The following GRAMD1B variants were observed in gnomAD, a reference collection of about 807,000 sequenced individuals.
The protein encoded by GRAMD1B is protein Aster-B.
GRAMD1B carries 37 observed loss-of-function variants against 99.7 expected under a neutral mutation model. The observed-to-expected ratio is 0.37, with a 90% CI of 0.29 to 0.49. The LOEUF (loss-of-function observed/expected upper bound fraction) is 0.49. Among genes scored for constraint, GRAMD1B ranks in the 20% least tolerant of loss-of-function variants. The pLI is 0.98. For missense variants in GRAMD1B, 888 were observed against 1,009.2 expected, an observed-to-expected ratio of 0.88 and a Z score of 1.63; for synonymous variants, 427 against 387.6, an observed-to-expected ratio of 1.10 and a Z score of -1.19.
chr11:123,613,308 A>G (rs1363521447), intron 15 of GRAMD1B, 147 bp from the exon 16 acceptor site: 1 of 629,132 alleles, frequency 1.6e-6, no homozygotes, highest in Non-Finnish European at 2.8e-6. Flanking sequence ...GGGTCCCACA[A>G]GTACCTCCTG....
At chr11:123,574,194 G>GTA (rs1948471620) in intron 2 of GRAMD1B, among the ~76,000 whole-genome samples, 1 of 152,136 alleles carries the variant, frequency 6.6e-6, no homozygotes, top group Non-Finnish European at 1.5e-5. Flanking sequence ...GAAAGAGCAT[G>GTA]TATATTAAGG....
chr11:123,477,501 G>A (rs1475862638), intron 1 of GRAMD1B, among the ~76,000 whole-genome samples: 1 of 151,562 alleles, frequency 6.6e-6, no homozygotes, highest in Non-Finnish European at 1.5e-5. Context: ...TCAGTCATCG[G>A]TGCCAAGGCA....
chr11:123,399,219 A>G (rs1045144671), intron 1 of GRAMD1B, among the ~76,000 whole-genome samples: 1 of 152,214 alleles, frequency 6.6e-6, no homozygotes, highest in African/African-American at 2.4e-5. Flanking sequence ...TTCACTTAAC[A>G]TAATGTCCTG....
chr11:123,374,399 A>G (rs190283454), intron 1 of GRAMD1B, among the ~76,000 whole-genome samples: 7 of 152,238 alleles, frequency 4.6e-5, no homozygotes, highest in Admixed American at 3.3e-4. Flanking sequence ...TTTAACTGCA[A>G]CCACAGTCCA....
chr11:123,550,268 A>ACAC (rs1381892713), intron 2 of GRAMD1B, among the ~76,000 whole-genome samples: 5 of 152,030 alleles, frequency 3.3e-5, no homozygotes, highest in African/African-American at 1.2e-4. Flanking sequence ...ACCTCTCGAG[A>ACAC]CATGTGGGCG....
At chr11:123,575,308 G>C (rs1375269519) in intron 2 of GRAMD1B, among the ~76,000 whole-genome samples, 1 of 152,072 alleles carries the variant, frequency 6.6e-6, no homozygotes. Flanking sequence ...AACGGCTGGG[G>C]GGCCATTGTG....
In GRAMD1B at chr11:123,417,072, G is replaced by C. The variant is rs116210326; in HGVS notation, c.-176+58273G>C. 1.3e-3 allele frequency among the ~76,000 whole-genome samples: 203 copies of C among 152,288 alleles called. 1 individual carries two copies. The highest frequency in any genetic ancestry group is 4.7e-3 in the African/African-American group (194 of 41,574). ...TACATTAATCTCAAACAGGTCATGT[G>C]ACGGATATTAAGAATGTGTAGGCAG... is the stretch of plus-strand genomic sequence containing the variant. On this transcript the variant is annotated intron_variant, in intron 1 of 20. Transcript: ENST00000638157.
intron 2 of GRAMD1B, chr11:123,560,163 C>A: frequency 1.0e-6 from 1 of 995,322 alleles, no homozygotes; most frequent in Non-Finnish European, 1.2e-6. Context: ...ATTATGTAAA[C>A]CGGCAGGCGA....
intron 1 of GRAMD1B, among the ~76,000 whole-genome samples, chr11:123,456,770 A>G (rs908663152): frequency 2.0e-5 from 3 of 151,782 alleles, no homozygotes. Flanking sequence ...ATATACAAAA[A>G]TTAGCCAGGT....
chr11:123,463,577 C>T (rs533202406), intron 1 of GRAMD1B, among the ~76,000 whole-genome samples: 6 of 152,322 alleles, frequency 3.9e-5, no homozygotes, highest in East Asian at 3.9e-4. Context: ...GCAGAGCTAC[C>T]GTCTCACTGG....
chr11:123,468,792 T>C lies in GRAMD1B; in HGVS notation c.375-12024T>C, dbSNP rs952846254. 3.5e-5 allele frequency among the ~76,000 whole-genome samples: 3 copies of C among 84,778 alleles called. No individual in the cohort carries two copies. The Admixed American group carries it at 4.3e-4, about 12-fold the overall frequency. 55.6% of individuals were successfully genotyped at this position (84,778 alleles called of 152,430 possible). On this transcript the variant is annotated intron_variant, in intron 1 of 19. Transcript: ENST00000635736. ...GCCAGGGTGACAGATTGAGACCCTGTATCAAAAAAAAAAAAAAAAAAAAGT... is the reference window on the plus strand; with the variant it reads ...GCCAGGGTGACAGATTGAGACCCTGCATCAAAAAAAAAAAAAAAAAAAAGT...
At chr11:123,467,842 C>CTTT in intron 1 of GRAMD1B, among the ~76,000 whole-genome samples, 1 of 118,394 alleles carries the variant, frequency 8.4e-6, no homozygotes, top group Non-Finnish European at 1.6e-5. Context: ...TCCCTCCCTC[C>CTTT]CTTCCTTCCT....
chr11:123,564,544 C>T (rs555201757), intron 2 of GRAMD1B, among the ~76,000 whole-genome samples: 4 of 152,328 alleles, frequency 2.6e-5, no homozygotes, highest in Admixed American at 1.3e-4. Flanking sequence ...CCTTGACGAG[C>T]GGTGATGGGA....
At chr11:123,455,538 G>A (rs12577963) in intron 1 of GRAMD1B, among the ~76,000 whole-genome samples, 72,490 of 151,798 alleles carry the variant, frequency 0.48, 17,551 homozygotes, top group Middle Eastern at 0.55. Context: ...ACTTGCTATC[G>A]AACTGCTGCG....
At chr11:123,374,082 T>C (rs1446864691) in intron 1 of GRAMD1B, among the ~76,000 whole-genome samples, 3 of 152,148 alleles carry the variant, frequency 2.0e-5, no homozygotes, top group Non-Finnish European at 2.9e-5. Flanking sequence ...GTACCTATGG[T>C]TTGATTATTT....
chr11:123,501,094 G>A (rs1939804933), intron 2 of GRAMD1B, among the ~76,000 whole-genome samples: 1 of 152,162 alleles, frequency 6.6e-6, no homozygotes, highest in South Asian at 2.1e-4. Context: ...GGCTTAGATT[G>A]TCCACTGTCA....
At position 123,520,776 on chromosome 11, in the gene GRAMD1B, C is replaced by CAA. The variant is rs11219185; in HGVS notation, c.452+39899_452+39900dup. On this transcript the variant is annotated intron_variant, in intron 2 of 19. Transcript: ENST00000635736. Reference sequence around the variant, plus strand: ...CCTGGGCAACAGAGTGAGACCCTGTCAAAAAAAAAAAAAAAAAGAAAGAAA... The same window carrying CAA: ...CCTGGGCAACAGAGTGAGACCCTGTCAAAAAAAAAAAAAAAAAAAGAAAGAAA... Among the ~76,000 whole-genome samples, 1,012 of 103,562 alleles carry CAA rather than the reference C, an allele frequency of 9.8e-3. 18 individuals are homozygous for CAA. The highest frequency in any genetic ancestry group is 0.024 in the African/African-American group (634 of 26,620). The allele number at this position is 103,562 out of a possible 152,430, so 67.9% of individuals were successfully genotyped here.
At chr11:123,581,441 G>A (rs910978991) in intron 3 of GRAMD1B, among the ~76,000 whole-genome samples, 2 of 152,142 alleles carry the variant, frequency 1.3e-5, no homozygotes, top group South Asian at 4.2e-4. Context: ...TGTGGGTCTG[G>A]GTCCTTCCCG....
At chr11:123,573,090 C>G (rs539927204) in intron 2 of GRAMD1B, among the ~76,000 whole-genome samples, 4 of 148,604 alleles carry the variant, frequency 2.7e-5, no homozygotes, top group African/African-American at 1.0e-4. Flanking sequence ...CGCAGGTAGG[C>G]CCCGATGGCT....
Sources: allele counts gnomAD v4.1 joint callset (sites outside exome capture counted in the v4.1 genomes callset), GRCh38; gene constraint gnomAD v4.1.1; transcripts MANE v1.5; gene names NCBI Gene and HGNC (gene_info 2026-07-23, HGNC 2026-07-21).